The following CTNND2 variants were observed in gnomAD, a reference collection of about 807,000 sequenced individuals.
CTNND2 encodes the protein catenin delta 2.
CTNND2 carries 22 observed loss-of-function variants against 144.4 expected under a neutral mutation model. That is an observed-to-expected ratio of 0.15 (90% CI 0.11 to 0.22). The LOEUF (loss-of-function observed/expected upper bound fraction) is 0.22. CTNND2 is among the 10% of genes least tolerant of loss of function. The pLI is 1.00. For synonymous variants in CTNND2, 751 were observed against 695.6 expected (o/e 1.08, Z -1.25); for missense variants, 1,353 against 1,618.8 (o/e 0.84, Z 2.82).
chr5:11,571,273 G>C (rs1183061257), intron 2 of CTNND2, among the ~76,000 whole-genome samples: 1 of 152,150 alleles, frequency 6.6e-6, no homozygotes, highest in African/African-American at 2.4e-5. Flanking sequence ...GGGTGAAAGA[G>C]CTGACACTTG....
At chr5:11,744,889 C>T (rs770101731) in intron 1 of CTNND2, among the ~76,000 whole-genome samples, 9 of 152,012 alleles carry the variant, frequency 5.9e-5, no homozygotes, top group Non-Finnish European at 1.0e-4. Flanking sequence ...GCATGTGCCA[C>T]CGCGTCCAGC....
rs182922587 is a variant in CTNND2, at chr5:11,406,823, T to G, written c.439+4713A>C. ...TCAGATTTGAAAACTTATAATAATA[T>G]GTACTTTTTTTTAACCATAACACTC... On this transcript the variant is annotated intron_variant, in intron 5 of 21. Coordinates refer to ENST00000304623, the MANE Select transcript of CTNND2 (RefSeq NM_001332.4). Among the ~76,000 whole-genome samples the G allele has an allele frequency of 2.7e-3, 375 of 139,850 alleles. 1 individual carries two copies. The highest frequency in any genetic ancestry group is 0.011 in the African/African-American group (350 of 31,702). 91.7% of individuals were successfully genotyped at this position (139,850 alleles called of 152,430 possible). A position where few individuals can be genotyped will look rare whatever the true frequency, so the allele number is the denominator to read the frequency against.
chr5:11,064,994 G>A (rs1035485029), intron 16 of CTNND2, among the ~76,000 whole-genome samples: 2 of 152,214 alleles, frequency 1.3e-5, no homozygotes, highest in Admixed American at 1.3e-4. Context: ...GGTGGTTGTG[G>A]TTGTTCTTGT....
At chr5:11,336,781 T>A (rs1462315055) in intron 9 of CTNND2, among the ~76,000 whole-genome samples, 2 of 152,198 alleles carry the variant, frequency 1.3e-5, no homozygotes, top group South Asian at 2.1e-4. Context: ...ATAGTATATC[T>A]ACATATAATT....
At chr5:10,994,668 C>T (rs1263669110) in intron 18 of CTNND2, among the ~76,000 whole-genome samples, 2 of 152,054 alleles carry the variant, frequency 1.3e-5, no homozygotes, top group Non-Finnish European at 2.9e-5. Flanking sequence ...TGTGAAGGCC[C>T]TGGGTGGGAA....
At chr5:11,026,323 G>T (rs907938219) in intron 16 of CTNND2, among the ~76,000 whole-genome samples, 1 of 150,452 alleles carries the variant, frequency 6.6e-6, no homozygotes, top group Admixed American at 6.6e-5. Flanking sequence ...GCAAATAGAT[G>T]ACTGCTCCAG....
Position 11,365,420 on chromosome 5 carries a change from G to A in CTNND2, c.1178-530C>T, listed in dbSNP as rs192709011. 2.8e-4 allele frequency among the ~76,000 whole-genome samples: 43 copies of A among 152,294 alleles called. No individual in the cohort carries two copies. The East Asian group carries it at 5.8e-3, about 20-fold the overall frequency. The stretch of plus-strand genomic sequence containing the variant: ...AACTTACAACAGCCTAAATCCCCGA[G>A]AGAAGCAGATATTAAAGAAAGAGGT... On this transcript the variant is annotated intron_variant, in intron 7 of 21. Transcript: ENST00000304623.
At chr5:11,398,577 C>T (rs886787537) in intron 5 of CTNND2, among the ~76,000 whole-genome samples, 9 of 151,466 alleles carry the variant, frequency 5.9e-5, no homozygotes, top group African/African-American at 1.7e-4. Flanking sequence ...GGAATCTATG[C>T]GGTTTCTGGA....
chr5:11,216,698 C>T (rs1739235359), intron 10 of CTNND2, among the ~76,000 whole-genome samples: 3 of 152,210 alleles, frequency 2.0e-5, no homozygotes, highest in African/African-American at 7.2e-5. Context: ...AAATTTGTTA[C>T]AGCAGCAATA....
chr5:11,483,184 G>A (rs1327720326), intron 3 of CTNND2, among the ~76,000 whole-genome samples: 2 of 152,162 alleles, frequency 1.3e-5, no homozygotes, highest in Non-Finnish European at 2.9e-5. Context: ...AGAGCCAATG[G>A]GGTGGATGAA....
chr5:11,661,793 C>T (rs908798950), intron 2 of CTNND2, among the ~76,000 whole-genome samples: 21 of 151,476 alleles, frequency 1.4e-4, no homozygotes, highest in African/African-American at 4.9e-4. Flanking sequence ...CTTTTTATGT[C>T]TTTCTTGGTT....
chr5:11,550,216 A>G (rs563375538), intron 3 of CTNND2, among the ~76,000 whole-genome samples: 1 of 152,284 alleles, frequency 6.6e-6, no homozygotes, highest in South Asian at 2.1e-4. Flanking sequence ...ATTACACATC[A>G]CTAGTAATAT....
chr5:11,539,640 T>A lies in CTNND2; in HGVS notation c.287+25304A>T, dbSNP rs533794330. 3.3e-5 allele frequency among the ~76,000 whole-genome samples: 5 copies of A among 152,336 alleles called. No individual in the cohort carries two copies. In the South Asian group the frequency reaches 8.3e-4, roughly 25 times the overall value. On this transcript the variant is annotated intron_variant, in intron 3 of 21. Transcript: ENST00000304623. ...AGCCATGGGTCCTGCCAATGGTCAG[T>A]GGAATTTGCAGCCTTTCTGCAGCCA... is the stretch of plus-strand genomic sequence containing the variant.
intron 2 of CTNND2, among the ~76,000 whole-genome samples, chr5:11,655,545 T>C (rs1782867500): frequency 6.6e-6 from 1 of 152,104 alleles, no homozygotes; most frequent in Non-Finnish European, 1.5e-5. Flanking sequence ...TGATCAATCC[T>C]TCCAAGTTTA....
chr5:11,413,294 A>G (rs1262249073), intron 3 of CTNND2, among the ~76,000 whole-genome samples: 1 of 152,324 alleles, frequency 6.6e-6, no homozygotes, highest in East Asian at 1.9e-4. Flanking sequence ...TGTAATAAAA[A>G]TGATTTTAAA....
rs552219447 is a variant in CTNND2, at chr5:11,798,843, T to C, written c.38-66571A>G. On this transcript the variant is annotated intron_variant, in intron 1 of 21. Coordinates refer to ENST00000304623, the MANE Select transcript of CTNND2 (RefSeq NM_001332.4). ...ATTTCAGGAAAAAAAAGTAACGTTT[T>C]GTGTTAAAACGTACTGTATACACTT... Among the ~76,000 whole-genome samples the C allele has an allele frequency of 2.2e-4, 34 of 152,332 alleles. No individual in the cohort carries two copies. In the South Asian group the frequency reaches 6.6e-3, roughly 30 times the overall value.
intron 16 of CTNND2, among the ~76,000 whole-genome samples, chr5:11,070,998 G>C (rs536116690): frequency 7.6e-4 from 115 of 151,636 alleles, no homozygotes; most frequent in Non-Finnish European, 1.3e-4. Context: ...GGAGAGGAGA[G>C]GGGGAGAGGA....
chr5:11,646,092 C>T (rs1459869931), intron 2 of CTNND2, among the ~76,000 whole-genome samples: 1 of 151,862 alleles, frequency 6.6e-6, no homozygotes, highest in Non-Finnish European at 1.5e-5. Flanking sequence ...TTTTTCTTCT[C>T]TGTCCTTTTT....
chr5:11,842,662 T>C (rs1428219101), intron 1 of CTNND2, among the ~76,000 whole-genome samples: 2 of 149,018 alleles, frequency 1.3e-5, no homozygotes, highest in Non-Finnish European at 3.0e-5. Flanking sequence ...GAGCTTGCAG[T>C]GAACGGAGAT....
Sources: gnomAD v4.1 joint callset for allele counts (sites outside exome capture counted in the v4.1 genomes callset) on GRCh38, gnomAD v4.1.1 for gene constraint, MANE v1.5 for transcripts, NCBI Gene and HGNC (gene_info 2026-07-23, HGNC 2026-07-21) for gene names.